SORBS2: variants seen among roughly 807,000 people sequenced by gnomAD.
SORBS2 encodes the protein sorbin and SH3 domain-containing protein 2.
In SORBS2, 46 loss-of-function variants were observed where a neutral mutation model predicts 97.7. The ratio of observed to expected loss-of-function variants is 0.47; its 90% CI spans 0.37 to 0.60. The LOEUF is 0.60. SORBS2 is among the 20% of genes least tolerant of loss of function. SORBS2 has a pLI of 0.00. For synonymous variants in SORBS2, 476 were observed against 473.4 expected, an observed-to-expected ratio of 1.01 and a Z score of -0.07; for missense variants, 1,316 against 1,282.3, an observed-to-expected ratio of 1.03 and a Z score of -0.40.
intron 4 of SORBS2, among the ~76,000 whole-genome samples, chr4:185,640,184 G>A (rs894742619): frequency 2.0e-5 from 3 of 152,184 alleles, no homozygotes; most frequent in African/African-American, 7.2e-5. Flanking sequence ...TCCAAAAGAT[G>A]TAGTGATCAT....
At chr4:185,674,220 C>G (rs1178391693) in intron 4 of SORBS2, among the ~76,000 whole-genome samples, 5 of 152,220 alleles carry the variant, frequency 3.3e-5, no homozygotes, top group Non-Finnish European at 7.3e-5. Flanking sequence ...AATGGAACCT[C>G]TGAAGTTTCC....
At chr4:185,874,097 G>A (rs1156418836) in intron 1 of SORBS2, among the ~76,000 whole-genome samples, 2 of 151,962 alleles carry the variant, frequency 1.3e-5, no homozygotes, top group Non-Finnish European at 2.9e-5. Flanking sequence ...TATCTACAAG[G>A]ATGTCCATCA....
At chr4:185,814,339 T>G (rs2099191957) in intron 1 of SORBS2, among the ~76,000 whole-genome samples, 1 of 148,800 alleles carries the variant, frequency 6.7e-6, no homozygotes, top group Admixed American at 6.7e-5. Flanking sequence ...GAGACCAGTC[T>G]AGGCAACAGA....
At position 185,623,308 on chromosome 4, in the gene SORBS2, A is replaced by G; in HGVS notation, c.1821T>C (p.Pro607=). 2 of 1,614,132 alleles carry G rather than the reference A, an allele frequency of 1.2e-6. No homozygotes were observed. Among genetic ancestry groups the G allele is most frequent in the Non-Finnish European group, 1.7e-6 (2 of 1,180,036 alleles). The change falls in exon 7 of 15, where the codon CCT becomes CCC. Residue 607 remains proline (P), a synonymous_variant. Coordinates refer to ENST00000418609, the Ensembl canonical transcript of SORBS2. The surrounding 1 kb of genome is among the most constrained non-coding windows in gnomAD (Gnocchi z 6.4). ...AATTTTTTTTCCTCCGGAAAGGCAC[A>G]GGACTGACTAGAAAAGCAAGTTTAG...
At chr4:185,657,138 A>T, upstream of SORBS2, 1 of 318,924 alleles carries the variant, frequency 3.1e-6, no homozygotes, top group Non-Finnish European at 5.3e-6. Flanking sequence ...AGGTAAAAGA[A>T]AAACAAACAA....
intron 1 of SORBS2, among the ~76,000 whole-genome samples, chr4:185,809,106 G>T (rs1026521876): frequency 3.9e-5 from 6 of 151,994 alleles, no homozygotes; most frequent in African/African-American, 1.5e-4. Flanking sequence ...AAGTTTCCTT[G>T]ATAAAAGGCA....
exon 3 of SORBS2, chr4:185,649,599 T>C (rs1438495331): frequency 6.2e-7 from 1 of 1,600,530 alleles, no homozygotes; most frequent in Non-Finnish European, 8.5e-7. Flanking sequence ...AAGAGGTCTG[T>C]AGGTTTGGGT....
At chr4:185,798,334 T>A (rs929908485) in intron 1 of SORBS2, among the ~76,000 whole-genome samples, 3 of 152,226 alleles carry the variant, frequency 2.0e-5, no homozygotes, top group Non-Finnish European at 4.4e-5. Context: ...TATCAAACTC[T>A]ATAAAATCAC....
chr4:185,807,892 A>G (rs145584981), intron 1 of SORBS2, among the ~76,000 whole-genome samples: 2 of 152,286 alleles, frequency 1.3e-5, no homozygotes, highest in African/African-American at 4.8e-5. Flanking sequence ...TACAAGTGCA[A>G]CTCATTTCAT....
At chr4:185,622,551 A>T (rs1196138928) in intron 7 of SORBS2, among the ~76,000 whole-genome samples, 3 of 152,254 alleles carry the variant, frequency 2.0e-5, no homozygotes, top group Non-Finnish European at 4.4e-5. Context: ...AAACATTTTT[A>T]AAAGGCTATT....
chr4:185,613,094 T>C lies in SORBS2; in HGVS notation c.2596-1114A>G, dbSNP rs527836643. Among the ~76,000 whole-genome samples, 16 of 152,336 alleles carry C rather than the reference T, an allele frequency of 1.1e-4. No homozygotes were observed. In the South Asian group the frequency reaches 3.3e-3, roughly 32 times the overall value. On this transcript the variant is annotated intron_variant, in intron 11 of 14. Transcript: ENST00000418609. The stretch of plus-strand genomic sequence containing the variant: ...CTTTAACTCAAAACTACACGTAGCC[T>C]AGAAGTAGGCAGGCAAGTTGATGCT...
intron 1 of SORBS2, among the ~76,000 whole-genome samples, chr4:185,822,136 G>A (rs528081337): frequency 7.2e-5 from 11 of 152,330 alleles, no homozygotes; most frequent in African/African-American, 2.6e-4. Context: ...AGAAAGAAGT[G>A]AAATTAGTTG....
intron 2 of SORBS2, among the ~76,000 whole-genome samples, chr4:185,768,488 A>G (rs767345611): frequency 3.6e-4 from 55 of 151,982 alleles, no homozygotes; most frequent in Admixed American, 7.9e-4. Context: ...GGTCTGGACT[A>G]TGAGACCAGC....
chr4:185,926,555 G>GT (rs201109014), intron 1 of SORBS2, among the ~76,000 whole-genome samples: 2,126 of 35,210 alleles, frequency 0.06, 35 homozygotes, highest in Middle Eastern at 0.16. Context: ...TTGTGGTTTT[G>GT]TTTTTTTTTT....
chr4:185,882,774 A>C (rs1349877662), intron 1 of SORBS2, among the ~76,000 whole-genome samples: 1 of 152,208 alleles, frequency 6.6e-6, no homozygotes, highest in Admixed American at 6.5e-5. Flanking sequence ...GAGTCCAAAA[A>C]AGGCCCACAC....
chr4:185,863,122 G>C (rs1482224020), intron 1 of SORBS2, among the ~76,000 whole-genome samples: 1 of 152,128 alleles, frequency 6.6e-6, no homozygotes, highest in Admixed American at 6.5e-5. Context: ...TAGACTAAAG[G>C]CACGTCCCTC....
chr4:185,929,611 C>T (rs2099265457), intron 1 of SORBS2, among the ~76,000 whole-genome samples: 1 of 150,684 alleles, frequency 6.6e-6, no homozygotes, highest in African/African-American at 2.4e-5. Context: ...CACTGACTCA[C>T]TGGAACCTCC....
chr4:185,700,183 T>C (rs1439429551), intron 2 of SORBS2, among the ~76,000 whole-genome samples: 2 of 152,214 alleles, frequency 1.3e-5, no homozygotes, highest in African/African-American at 4.8e-5. Flanking sequence ...TCTAAGGGCT[T>C]TAATGCAATT....
At chr4:185,921,475 C>T (rs140723256) in intron 1 of SORBS2, among the ~76,000 whole-genome samples, 1,970 of 151,978 alleles carry the variant, frequency 0.013, 33 homozygotes, top group African/African-American at 0.045. Context: ...AAATTTTTCC[C>T]TATTATCCTG....
Sources: allele counts gnomAD v4.1 joint callset (sites outside exome capture counted in the v4.1 genomes callset), GRCh38; gene constraint gnomAD v4.1.1; non-coding constraint Gnocchi (gnomAD v3.1); transcripts MANE v1.5; gene names NCBI Gene and HGNC (gene_info 2026-07-23, HGNC 2026-07-21).